ATP6V1H: variants seen among roughly 807,000 people sequenced by gnomAD.
ATP6V1H encodes the protein V-type proton ATPase subunit H.
ATP6V1H carries 39 observed loss-of-function variants against 71.7 expected under a neutral mutation model. That is an observed-to-expected ratio of 0.54 (90% CI 0.42 to 0.71). ATP6V1H has a LOEUF of 0.71. Among genes scored for constraint, ATP6V1H ranks in the 30% least tolerant of loss-of-function variants. The pLI is 0.00. For missense variants in ATP6V1H, 509 were observed against 594.9 expected, an observed-to-expected ratio of 0.86 and a Z score of 1.50; for synonymous variants, 192 against 199.3, an observed-to-expected ratio of 0.96 and a Z score of 0.31.
At chr8:53,746,681 T>C (rs1279073602) in intron 12 of ATP6V1H, among the ~76,000 whole-genome samples, 1 of 152,182 alleles carries the variant, frequency 6.6e-6, no homozygotes, top group Non-Finnish European at 1.5e-5. Flanking sequence ...ACAGTGCTAT[T>C]GAAATAAACA....
chr8:53,801,599 C>G (rs981178534), intron 8 of ATP6V1H, among the ~76,000 whole-genome samples, 200 bp downstream of exon 8: 7 of 151,982 alleles, frequency 4.6e-5, no homozygotes, highest in African/African-American at 1.7e-4. Flanking sequence ...GAGGCCTTAA[C>G]CTCTTATAAA....
chr8:53,767,329 G>C (rs80079863), intron 11 of ATP6V1H, among the ~76,000 whole-genome samples: 7,815 of 152,250 alleles, frequency 0.051, 586 homozygotes, highest in African/African-American at 0.17. Context: ...GGTGGAGGTA[G>C]AGGTAGCATA....
At position 53,733,979 on chromosome 8, in the gene ATP6V1H, G is replaced by A. The variant is rs555130849; in HGVS notation, c.1391+9598C>T. ...CCTACCTCTCTAAACAACTAGACGG[G>A]GTTTCTAAAGGTTGCCCCCCATGTT... On this transcript the variant is annotated intron_variant, in intron 13 of 13. Transcript: ENST00000359530. 5.3e-5 allele frequency among the ~76,000 whole-genome samples: 8 copies of A among 152,176 alleles called. No homozygotes were observed. In the East Asian group the frequency reaches 1.2e-3, roughly 22 times the overall value.
chr8:53,815,508 G>C (rs1810419195), intron 5 of ATP6V1H, among the ~76,000 whole-genome samples: 1 of 152,128 alleles, frequency 6.6e-6, no homozygotes, highest in Admixed American at 6.6e-5. Context: ...ACTCATGTTT[G>C]TTCTTACATT....
chr8:53,812,331 G>A (rs1810304139), intron 6 of ATP6V1H, among the ~76,000 whole-genome samples: 1 of 152,272 alleles, frequency 6.6e-6, no homozygotes, highest in Non-Finnish European at 1.5e-5. Context: ...AAAAAAGAGT[G>A]CACTAAAAAG....
intron 12 of ATP6V1H, among the ~76,000 whole-genome samples, chr8:53,747,118 T>C (rs1807629264): frequency 6.6e-6 from 1 of 152,190 alleles, no homozygotes; most frequent in African/African-American, 2.4e-5. Context: ...TCTTTTTCTA[T>C]CTTAATATAA....
intron 9 of ATP6V1H, among the ~76,000 whole-genome samples, chr8:53,793,056 C>A (rs1002436752): frequency 6.6e-6 from 1 of 152,068 alleles, no homozygotes; most frequent in African/African-American, 2.4e-5. Context: ...ACTACCGACA[C>A]CTAGAAAAGA....
chr8:53,742,823 T>C (rs925724029), intron 13 of ATP6V1H, among the ~76,000 whole-genome samples: 7 of 152,198 alleles, frequency 4.6e-5, no homozygotes, highest in Admixed American at 2.6e-4. Context: ...TTACAAGCAA[T>C]GTATATTTGT....
chr8:53,738,818 C>A (rs1807318013), intron 13 of ATP6V1H, among the ~76,000 whole-genome samples: 2 of 152,162 alleles, frequency 1.3e-5, no homozygotes, highest in African/African-American at 4.8e-5. Flanking sequence ...TTAATACAGT[C>A]TTAGGAAACA....
rs570375467 is a variant in ATP6V1H, at chr8:53,718,203, T to C, written c.1392-2179A>G. Among the ~76,000 whole-genome samples the C allele has an allele frequency of 2.2e-3, 338 of 152,294 alleles. 1 individual carries two copies. The highest frequency in any genetic ancestry group is 7.7e-3 in the African/African-American group (319 of 41,562). On this transcript the variant is annotated intron_variant, in intron 13 of 13. Coordinates refer to ENST00000359530, the MANE Select transcript of ATP6V1H (RefSeq NM_015941.4). ...ACAAGTGGTGAAGATAATTGATTTC[T>C]TCACAAAAGAAACACTCTTGAAGTG... is the stretch of plus-strand genomic sequence containing the variant.
At chr8:53,773,819 C>T (rs78309740) in intron 9 of ATP6V1H, among the ~76,000 whole-genome samples, 3,117 of 152,074 alleles carry the variant, frequency 0.02, 49 homozygotes, top group Middle Eastern at 0.034. Context: ...AAACAAAAAA[C>T]TTATAAATTA....
intron 11 of ATP6V1H, among the ~76,000 whole-genome samples, chr8:53,760,816 G>A (rs1317909242): frequency 6.6e-6 from 1 of 152,056 alleles, no homozygotes; most frequent in Non-Finnish European, 1.5e-5. Context: ...TTCCCTTTCG[G>A]AGTTTAGGCA....
chr8:53,772,947 T>C (rs1585769995), intron 9 of ATP6V1H, among the ~76,000 whole-genome samples: 1 of 146,114 alleles, frequency 6.8e-6, no homozygotes, highest in South Asian at 2.1e-4. Flanking sequence ...TTAACTCCAA[T>C]TGTAAAAAAA....
intron 13 of ATP6V1H, among the ~76,000 whole-genome samples, chr8:53,718,823 T>TG (rs942075242): frequency 6.6e-6 from 1 of 152,144 alleles, no homozygotes; most frequent in African/African-American, 2.4e-5. Context: ...AATTTGGATT[T>TG]GGGGGAAGAA....
chr8:53,727,377 C>T (rs1806848918), intron 13 of ATP6V1H, among the ~76,000 whole-genome samples: 1 of 152,220 alleles, frequency 6.6e-6, no homozygotes, highest in South Asian at 2.1e-4. Context: ...AATTTTCCAG[C>T]CAGTTCTCCC....
At chr8:53,839,098 G>A (rs1026059086) in intron 2 of ATP6V1H, among the ~76,000 whole-genome samples, 2 of 152,126 alleles carry the variant, frequency 1.3e-5, no homozygotes, top group Non-Finnish European at 2.9e-5. Flanking sequence ...ATAGGAAAAC[G>A]GGAAAACACA....
intron 9 of ATP6V1H, among the ~76,000 whole-genome samples, chr8:53,772,488 C>A (rs1585769271): frequency 6.6e-6 from 1 of 152,216 alleles, no homozygotes; most frequent in East Asian, 1.9e-4. Flanking sequence ...TGGCTGTGAG[C>A]TCTCATTTGT....
chr8:53,754,695 T>A (rs1241222602), intron 12 of ATP6V1H, among the ~76,000 whole-genome samples: 1 of 152,188 alleles, frequency 6.6e-6, no homozygotes. Flanking sequence ...CTGGCTTCCA[T>A]GAAGTATAAT....
intron 4 of ATP6V1H, among the ~76,000 whole-genome samples, chr8:53,821,808 C>T (rs769360542): frequency 1.3e-5 from 2 of 151,992 alleles, no homozygotes; most frequent in Non-Finnish European, 2.9e-5. Flanking sequence ...TAAAAAGAAA[C>T]CAAAAGATGC....
Sources: allele counts gnomAD v4.1 joint callset (sites outside exome capture counted in the v4.1 genomes callset), GRCh38; gene constraint gnomAD v4.1.1; transcripts MANE v1.5; gene names NCBI Gene and HGNC (gene_info 2026-07-23, HGNC 2026-07-21).